LHPP: variants seen among roughly 807,000 people sequenced by gnomAD.
LHPP encodes the protein phospholysine phosphohistidine inorganic pyrophosphate phosphatase, also known as hLHPP.
A neutral mutation model predicts 30.3 loss-of-function variants in LHPP; 24 were observed. The ratio of observed to expected loss-of-function variants is 0.79; its 90% confidence interval spans 0.57 to 1.11. LHPP has a LOEUF of 1.11. Ranked by LOEUF, LHPP falls within the 50% of genes most tolerant of loss-of-function variation. The probability of loss-of-function intolerance (pLI) is 0.00; values close to 1 mark genes in which losing one functional copy is unlikely to be tolerated. For synonymous variants in LHPP, 150 were observed against 157.1 expected (o/e 0.95, Z 0.34); for missense variants, 356 against 367.2 (o/e 0.97, Z 0.25).
rs566623830 is a variant in LHPP at position 124,590,358 on chromosome 10, C to A, written c.717-22906C>A. Among the ~76,000 whole-genome samples, 8 of 152,352 alleles carry A rather than the reference C, an allele frequency of 5.3e-5. No homozygotes were observed. The South Asian group carries it at 1.5e-3, about 28-fold the overall frequency. ...CTGGAACCCTCCGCACGAGGGCAACCTTTCTTGGGCTCTGAAGGCGCCTCT... is the reference window on the plus strand; with the variant it reads ...CTGGAACCCTCCGCACGAGGGCAACATTTCTTGGGCTCTGAAGGCGCCTCT... On this transcript the variant is annotated intron_variant, in intron 6 of 6. Transcript: ENST00000368842. This position sits in a 1 kb window ranked among gnomAD's most constrained non-coding sequence, Gnocchi z 4.3.
intron 6 of LHPP, among the ~76,000 whole-genome samples, chr10:124,610,956 C>T (rs536097313): frequency 1.5e-5 from 1 of 68,038 alleles, no homozygotes; most frequent in Non-Finnish European, 2.8e-5. Flanking sequence ...GCTGATGGAG[C>T]GGGTGAGGGT....
At chr10:124,606,872 T>C (rs1426615264) in intron 6 of LHPP, among the ~76,000 whole-genome samples, 1 of 152,204 alleles carries the variant, frequency 6.6e-6, no homozygotes, top group Non-Finnish European at 1.5e-5. Context: ...TCCCTGCCTG[T>C]TACAGGCCCC....
At chr10:124,466,434 A>G (rs1952555016) in intron 1 of LHPP, among the ~76,000 whole-genome samples, 2 of 152,212 alleles carry the variant, frequency 1.3e-5, no homozygotes, top group Non-Finnish European at 2.9e-5. Flanking sequence ...AAGACTCTTC[A>G]CTGTATAACT....
intron 2 of LHPP, among the ~76,000 whole-genome samples, chr10:124,486,416 A>G (rs928485910): frequency 5.3e-5 from 8 of 152,240 alleles, no homozygotes; most frequent in African/African-American, 1.9e-4. Context: ...ATGATTCATT[A>G]GCAGGACTCA....
intron 1 of LHPP, among the ~76,000 whole-genome samples, chr10:124,464,094 A>T (rs888467315): frequency 1.3e-5 from 2 of 152,086 alleles, no homozygotes; most frequent in Non-Finnish European, 2.9e-5. Context: ...CTGGGATTAG[A>T]GGTGTGAGCC....
Position 124,517,137 on chromosome 10 carries a change from C to G in LHPP, c.625-43C>G, listed in dbSNP as rs1954477550. The stretch of plus-strand genomic sequence containing the variant: ...AAGATGAAGGAGCCCGGGAATAAAA[C>G]TCTCCTGACATCACTTCTGAGCGTA... On this transcript the variant is annotated intron_variant, in intron 5 of 6. Coordinates refer to ENST00000368842, the MANE Select transcript of LHPP (RefSeq NM_022126.4). This position sits in a 1 kb window ranked among gnomAD's most constrained non-coding sequence, Gnocchi z 4.1. The G allele has an allele frequency of 7.2e-7, 1 of 1,384,132 alleles. No individual in the cohort carries two copies. Among genetic ancestry groups the G allele is most frequent in the Non-Finnish European group, 9.8e-7 (1 of 1,015,856 alleles). The allele number at this position is 1,384,132 out of a possible 1,614,324, so 85.7% of individuals were successfully genotyped here.
chr10:124,477,245 G>T (rs1952978382), intron 1 of LHPP, among the ~76,000 whole-genome samples: 1 of 152,172 alleles, frequency 6.6e-6, no homozygotes, highest in Non-Finnish European at 1.5e-5. Context: ...TGAGGGCCTG[G>T]GGCTGGTGCT....
chr10:124,613,453 G>A lies in LHPP; in HGVS notation c.*93G>A. 2 of 824,482 alleles carry A rather than the reference G, an allele frequency of 2.4e-6. No individual in the cohort carries two copies. The highest frequency in any genetic ancestry group is 3.0e-5 in the South Asian group (2 of 66,350). The allele number at this position is 824,482 out of a possible 1,614,324, so 51.1% of individuals were successfully genotyped here. ...CTGCCTCTCCTCCACCCGCCCAGGA[G>A]AGCCCCACCTCCTCCACCCCTGCCT... On this transcript the variant is annotated 3_prime_UTR_variant, in exon 7 of 7. Transcript: ENST00000368842.
At chr10:124,545,513 G>A (rs1451010939) in intron 6 of LHPP, among the ~76,000 whole-genome samples, 2 of 152,204 alleles carry the variant, frequency 1.3e-5, no homozygotes, top group Admixed American at 6.5e-5. Context: ...CAGTGTGGGC[G>A]AGCCTGGCAG....
At chr10:124,557,571 G>T (rs1948324479) in intron 6 of LHPP, among the ~76,000 whole-genome samples, 1 of 152,202 alleles carries the variant, frequency 6.6e-6, no homozygotes, top group Admixed American at 6.5e-5. Flanking sequence ...ATAACAAAAT[G>T]ATTTTTGTCT....
intron 2 of LHPP, among the ~76,000 whole-genome samples, chr10:124,484,698 A>G (rs1953266062): frequency 7.0e-6 from 1 of 142,300 alleles, no homozygotes; most frequent in Non-Finnish European, 1.5e-5. Context: ...GAGAGAGAGA[A>G]AATGAGAATG....
At chr10:124,535,131 T>C (rs1218411773) in intron 6 of LHPP, among the ~76,000 whole-genome samples, 4 of 152,194 alleles carry the variant, frequency 2.6e-5, no homozygotes, top group African/African-American at 7.2e-5. Context: ...CCTAAGGTTG[T>C]TGGGAAAACA....
chr10:124,586,871 A>G (rs181066267), intron 6 of LHPP, among the ~76,000 whole-genome samples: 6 of 152,320 alleles, frequency 3.9e-5, no homozygotes, highest in African/African-American at 1.4e-4. Context: ...TTGCCTTGCC[A>G]TGGACCTGTG....
intron 6 of LHPP, chr10:124,553,987 C>T (rs1032559492): frequency 9.1e-6 from 9 of 985,442 alleles, no homozygotes; most frequent in Non-Finnish European, 1.1e-5. Context: ...ACTGGGCGCT[C>T]CTGTGGACAG....
chr10:124,546,610 C>T (rs1021937349), intron 6 of LHPP, among the ~76,000 whole-genome samples: 43 of 152,208 alleles, frequency 2.8e-4, no homozygotes, highest in Middle Eastern at 3.4e-3. Context: ...TGGGGTTTCA[C>T]CATGTTAGCC....
In LHPP at chr10:124,558,106, C is replaced by T. The variant is rs535986375; in HGVS notation, c.716+40835C>T. On this transcript the variant is annotated intron_variant, in intron 6 of 6. Transcript: ENST00000368842. ...TGAGGGAGAAGCAGCCACGTGGCTC[C>T]GTTTTCTTGTGCTGCAGCTGGGCCA... is the stretch of plus-strand genomic sequence containing the variant. 1.5e-4 allele frequency among the ~76,000 whole-genome samples: 23 copies of T among 152,204 alleles called. No individual in the cohort carries two copies. The East Asian group carries it at 4.1e-3, about 27-fold the overall frequency.
intron 6 of LHPP, among the ~76,000 whole-genome samples, chr10:124,553,529 G>A (rs894330424): frequency 7.0e-5 from 9 of 128,952 alleles, no homozygotes; most frequent in Admixed American, 5.1e-4. Context: ...CACAATCTCA[G>A]CTCACTGCAA....
rs1226029576 is a variant in LHPP, at chr10:124,576,587, C to T, written c.717-36677C>T. ...TCTTACCCCAGACTCCCCCATATCT[C>T]GCCCCCAGACCCTCCTCCATGGTCT... On this transcript the variant is annotated intron_variant, in intron 6 of 6. Transcript: ENST00000368842. The surrounding 1 kb of genome is among the most constrained non-coding windows in gnomAD (Gnocchi z 4.2). Among the ~76,000 whole-genome samples, 3 of 151,380 alleles carry T rather than the reference C, an allele frequency of 2.0e-5. No homozygotes were observed. Among genetic ancestry groups the T allele is most frequent in the East Asian group, 3.9e-4 (2 of 5,138 alleles).
At chr10:124,569,648 G>T (rs180829259) in intron 6 of LHPP, among the ~76,000 whole-genome samples, 1 of 152,180 alleles carries the variant, frequency 6.6e-6, no homozygotes, top group Non-Finnish European at 1.5e-5. Flanking sequence ...CCAGGGCTGG[G>T]GGATCTCAGG....
Sources: allele counts gnomAD v4.1 joint callset (sites outside exome capture counted in the v4.1 genomes callset), GRCh38; gene constraint gnomAD v4.1.1; non-coding constraint Gnocchi (gnomAD v3.1); transcripts MANE v1.5; gene names NCBI Gene and HGNC (gene_info 2026-07-23, HGNC 2026-07-21).